Variants in ARHGAP32 observed in about 807,000 individuals in gnomAD.
ARHGAP32 encodes the protein Rho GTPase activating protein 32.
Under a neutral mutation model 186.5 loss-of-function variants are expected in ARHGAP32, and 51 were observed. That is an observed-to-expected ratio of 0.27 (90% CI 0.22 to 0.35). The LOEUF is 0.35. Ranked by LOEUF, ARHGAP32 falls within the 10% of genes least tolerant of loss-of-function variation. The pLI, the probability that ARHGAP32 is intolerant of heterozygous loss-of-function variation, is 1.00. For missense variants in ARHGAP32, 2,186 were observed against 2,623.5 expected (o/e 0.83, Z 3.64); for synonymous variants, 950 against 964.3 (o/e 0.99, Z 0.27).
At chr11:129,161,634 AG>A (rs1450158019) in intron 2 of ARHGAP32, among the ~76,000 whole-genome samples, 1 of 152,224 alleles carries the variant, frequency 6.6e-6, no homozygotes, top group East Asian at 1.9e-4. Flanking sequence ...TGATCATTAA[AG>A]TCAGGAAACA....
At chr11:129,212,049 G>C (rs1944587905) in intron 1 of ARHGAP32, among the ~76,000 whole-genome samples, 1 of 152,072 alleles carries the variant, frequency 6.6e-6, no homozygotes, top group Admixed American at 6.6e-5. Context: ...CAGCTACTTG[G>C]GGGACTGAGG....
intron 12 of ARHGAP32, among the ~76,000 whole-genome samples, chr11:128,989,404 C>T (rs1243087074): frequency 2.6e-5 from 4 of 151,844 alleles, no homozygotes; most frequent in Non-Finnish European, 2.9e-5. Flanking sequence ...GAAATTGTAT[C>T]TTAGAGAGAG....
In ARHGAP32 at chr11:128,970,369, C is replaced by A; in HGVS notation, c.4844G>T (p.Arg1615Leu). Residue 1615 changes from arginine to leucine, a missense_variant, in exon 23 of 23, where the codon CGG (arginine) becomes CTG (leucine). Transcript: ENST00000682385. The surrounding 1 kb of genome is among the most constrained non-coding windows in gnomAD (Gnocchi z 5.8). Reference sequence around the variant, plus strand: ...CTCATCATCTGGGGGAACTTCTGTCCGTGAAATGGGAACAGAGCGAATCAT... The same window carrying A: ...CTCATCATCTGGGGGAACTTCTGTCAGTGAAATGGGAACAGAGCGAATCAT... ...SSMIRSVPISRTEVPPDDEPA... is the reference protein window; with the variant it reads ...SSMIRSVPISLTEVPPDDEPA... 1 of 1,614,036 alleles carries A rather than the reference C, an allele frequency of 6.2e-7. No homozygotes were observed. The highest frequency in any genetic ancestry group is 8.5e-7 in the Non-Finnish European group (1 of 1,180,020).
chr11:129,239,175 G>A (rs942383244), intron 1 of ARHGAP32, among the ~76,000 whole-genome samples: 35 of 152,056 alleles, frequency 2.3e-4, no homozygotes, highest in African/African-American at 6.5e-4. Flanking sequence ...CTAAGCCCTC[G>A]CATATTGTAC....
upstream of ARHGAP32, among the ~76,000 whole-genome samples, chr11:129,195,447 C>T (rs758680885): frequency 3.9e-5 from 6 of 152,054 alleles, no homozygotes; most frequent in Non-Finnish European, 7.4e-5. Flanking sequence ...GCACATCTTC[C>T]GAGGCTTGTT....
At chr11:129,083,436 T>C (rs554756176) in intron 6 of ARHGAP32, among the ~76,000 whole-genome samples, 5 of 151,950 alleles carry the variant, frequency 3.3e-5, no homozygotes, top group Middle Eastern at 3.4e-3. Flanking sequence ...CTGGATGGAG[T>C]TGAAGACCAT....
chr11:129,124,035 G>C (rs1942598356), intron 3 of ARHGAP32, 106 bp from the exon 4 acceptor site: 1 of 738,260 alleles, frequency 1.4e-6, no homozygotes. Context: ...CTTTAAAACT[G>C]ATTACTTTCA....
chr11:129,151,452 C>G (rs1207339577), intron 2 of ARHGAP32, among the ~76,000 whole-genome samples: 3 of 152,032 alleles, frequency 2.0e-5, no homozygotes, highest in African/African-American at 7.2e-5. Context: ...GAACATTCTC[C>G]AAGATAGACC....
rs138697811 is a variant in ARHGAP32 at position 129,070,959 on chromosome 11, T to G, written c.532-4091A>C. On this transcript the variant is annotated intron_variant, in intron 6 of 22. Transcript: ENST00000682385. Reference sequence around the variant, plus strand: ...TAAAAAATTCATATTTTTGCCAACCTTTCTACTGAGTATATTGTATATTAC... The same window carrying G: ...TAAAAAATTCATATTTTTGCCAACCGTTCTACTGAGTATATTGTATATTAC... Among the ~76,000 whole-genome samples the G allele has an allele frequency of 1.5e-3, 230 of 152,186 alleles. 1 individual carries two copies. The highest frequency in any genetic ancestry group is 2.9e-3 in the South Asian group (14 of 4,828).
In ARHGAP32 at chr11:128,968,967, C is replaced by A; in HGVS notation, c.6246G>T (p.Gly2082=). The change falls in exon 23 of 23, where the codon GGG becomes GGT. Residue 2082 remains glycine (G), a synonymous_variant. Coordinates refer to ENST00000682385, the MANE Select transcript of ARHGAP32 (RefSeq NM_001378024.1). ...SRTYATALGQ[G]AFLPAELSLQ... is the part of the protein sequence containing the mutation. ...AGGACAACTCTGCGGGCAGGAAGGC[C>A]CCTTGACCCAACGCTGTAGCATAGG... 6.3e-7 allele frequency: 1 copy of A among 1,580,852 alleles called. No individual in the cohort carries two copies. Among genetic ancestry groups the A allele is most frequent in the African/African-American group, 1.3e-5 (1 of 74,310 alleles).
At position 129,082,647 on chromosome 11, in the gene ARHGAP32, T is replaced by C. The variant is rs537130301; in HGVS notation, c.531+10974A>G. 3.9e-3 allele frequency among the ~76,000 whole-genome samples: 593 copies of C among 152,150 alleles called. 2 individuals are homozygous for C. Among genetic ancestry groups the C allele is most frequent in the African/African-American group, 0.014 (566 of 41,504 alleles). ...CTAAGACCTGACACCACAAAAATTATGGATGATAACATTGGAAAAATTCTT... is the reference window on the plus strand; with the variant it reads ...CTAAGACCTGACACCACAAAAATTACGGATGATAACATTGGAAAAATTCTT... On this transcript the variant is annotated intron_variant, in intron 6 of 22. Transcript: ENST00000682385.
chr11:129,130,441 AAATT>A (rs1444898346), intron 2 of ARHGAP32, among the ~76,000 whole-genome samples: 2 of 152,080 alleles, frequency 1.3e-5, no homozygotes, highest in Non-Finnish European at 2.9e-5. Context: ...TAAGCAAAAA[AAATT>A]AATACATTCA....
chr11:129,141,723 C>T (rs1003525863), intron 2 of ARHGAP32, among the ~76,000 whole-genome samples: 8 of 149,858 alleles, frequency 5.3e-5, no homozygotes, highest in Non-Finnish European at 1.0e-4. Context: ...AAAAAACTCT[C>T]TGCATTGTAA....
chr11:129,149,445 C>T lies in ARHGAP32; in HGVS notation c.225+14874G>A, dbSNP rs181182787. Among the ~76,000 whole-genome samples the T allele has an allele frequency of 1.7e-3, 264 of 152,292 alleles. 1 individual carries two copies. The highest frequency in any genetic ancestry group is 6.8e-3 in the South Asian group (33 of 4,826). ...CATCCATGCCTGGGAGACCTGAAGA[C>T]AGATCACATCACAGGACTCTTTGCA... is the stretch of plus-strand genomic sequence containing the variant. On this transcript the variant is annotated intron_variant, in intron 2 of 22. Transcript: ENST00000682385.
intron 2 of ARHGAP32, among the ~76,000 whole-genome samples, chr11:129,160,673 G>GA (rs1322414372): frequency 2.0e-5 from 3 of 152,140 alleles, no homozygotes; most frequent in Non-Finnish European, 4.4e-5. Context: ...CAAACAAATA[G>GA]AAAGATATTC....
intron 2 of ARHGAP32, among the ~76,000 whole-genome samples, chr11:129,141,622 T>TAAAA (rs71472089): frequency 7.5e-6 from 1 of 133,648 alleles, no homozygotes; most frequent in Non-Finnish European, 1.6e-5. Flanking sequence ...AAAGTATAAT[T>TAAAA]AAAAAAAAAA....
chr11:129,275,352 AG>A (rs1488482965), intron 1 of ARHGAP32, among the ~76,000 whole-genome samples: 3 of 152,192 alleles, frequency 2.0e-5, no homozygotes, highest in African/African-American at 7.2e-5. Flanking sequence ...CAACCTTCCA[AG>A]GTAGATACTA....
At chr11:128,993,870 T>C (rs141475319) in intron 12 of ARHGAP32, among the ~76,000 whole-genome samples, 1 of 151,966 alleles carries the variant, frequency 6.6e-6, no homozygotes, top group African/African-American at 2.4e-5. Context: ...TTTTTAAAAT[T>C]TTTTGTAGAG....
At chr11:129,141,145 T>C (rs1943043913) in intron 2 of ARHGAP32, among the ~76,000 whole-genome samples, 1 of 152,204 alleles carries the variant, frequency 6.6e-6, no homozygotes, top group Non-Finnish European at 1.5e-5. Flanking sequence ...TTGTCCATAA[T>C]TATTTTAAAA....
Sources: gnomAD v4.1 joint callset for allele counts (sites outside exome capture counted in the v4.1 genomes callset) on GRCh38, gnomAD v4.1.1 for gene constraint, Gnocchi (gnomAD v3.1) non-coding constraint, MANE v1.5 for transcripts, NCBI Gene and HGNC (gene_info 2026-07-23, HGNC 2026-07-21) for gene names.